PRPF6: variants seen among roughly 807,000 people sequenced by gnomAD.
PRPF6 encodes pre-mRNA processing factor 6.
PRPF6 carries 42 observed loss-of-function variants against 118.3 expected under a neutral mutation model. That is an observed-to-expected ratio of 0.35 (90% confidence interval 0.28 to 0.46). PRPF6 has a LOEUF of 0.46. PRPF6 is among the 20% of genes least tolerant of loss of function. PRPF6 has a pLI of 1.00. For missense variants in PRPF6, 662 were observed against 1,255.7 expected (o/e 0.53, Z 7.15); for synonymous variants, 481 against 485.1 (o/e 0.99, Z 0.11).
chr20:64,025,890 T>C, intron 14 of PRPF6, 49 bp from the exon 15 acceptor site: 1 of 1,613,100 alleles, frequency 6.2e-7, no homozygotes, highest in Non-Finnish European at 8.5e-7. Context: ...GATCAGGCGC[T>C]GGTCCCTGTG....
At position 64,011,513 on chromosome 20, in the gene PRPF6, A is replaced by G. The variant is rs201704766; in HGVS notation, c.1524+10A>G. 3.2e-3 allele frequency: 5,197 copies of G among 1,609,718 alleles called. 169 individuals are homozygous for G. The South Asian group carries it at 0.048, about 15-fold the overall frequency. ...TGAGCAGTGGATCCAGGTGGGCCGC[A>G]GGCGGGTGTCGTGGTGTCTGCTTTA... On this transcript the variant is annotated intron_variant, in intron 11 of 20. Transcript: ENST00000266079. The surrounding 1 kb of genome is among the most constrained non-coding windows in gnomAD (Gnocchi z 6.7).
At chr20:63,995,595 T>G in intron 6 of PRPF6, 113 bp downstream of exon 6, 5 of 1,118,172 alleles carry the variant, frequency 4.5e-6, no homozygotes, top group Non-Finnish European at 5.2e-6. Flanking sequence ...CTTCTCCTCC[T>G]CCTCCTTCTT....
intron 11 of PRPF6, among the ~76,000 whole-genome samples, chr20:64,016,239 G>A (rs73626416): frequency 2.0e-5 from 3 of 151,300 alleles, no homozygotes; most frequent in South Asian, 2.1e-4. Flanking sequence ...CTCCTGCCTC[G>A]GCCTCCCGAG....
chr20:63,998,924 T>A, intron 6 of PRPF6, 121 bp from the exon 7 acceptor site: 1 of 690,678 alleles, frequency 1.4e-6, no homozygotes, highest in African/African-American at 1.8e-5. Flanking sequence ...AAATGAAGGC[T>A]GTTTTCCTTC....
chr20:64,025,098 T>C (rs2059282696), intron 14 of PRPF6, among the ~76,000 whole-genome samples: 1 of 152,164 alleles, frequency 6.6e-6, no homozygotes, highest in Admixed American at 6.5e-5. Context: ...AACATCCTAA[T>C]AGTTTATAAC....
rs140876757 is a variant in PRPF6, at chr20:64,030,371, G to A, written c.2546+880G>A. 2.5e-3 allele frequency among the ~76,000 whole-genome samples: 377 copies of A among 152,296 alleles called. 3 individuals are homozygous for A. Among genetic ancestry groups the A allele is most frequent in the African/African-American group, 8.5e-3 (354 of 41,562 alleles). Reference sequence around the variant, plus strand: ...GTCCGGCTTCCCCTCCACCTGCCCCGCCATGGGTCATGCAGAGACAACAGC... The same window carrying A: ...GTCCGGCTTCCCCTCCACCTGCCCCACCATGGGTCATGCAGAGACAACAGC... On this transcript the variant is annotated intron_variant, in intron 19 of 20. Transcript: ENST00000266079.
chr20:64,008,066 G>A (rs1157285259), intron 9 of PRPF6, among the ~76,000 whole-genome samples: 1 of 152,130 alleles, frequency 6.6e-6, no homozygotes, highest in East Asian at 1.9e-4. Context: ...CGTGAGCTAC[G>A]GGCTGTACCT....
intron 9 of PRPF6, among the ~76,000 whole-genome samples, chr20:64,008,762 G>A (rs528370506): frequency 1.1e-4 from 17 of 152,296 alleles, no homozygotes; most frequent in South Asian, 6.2e-4. Context: ...GGGATGATGC[G>A]TTGATTCTCT....
At chr20:63,981,466 G>C in intron 1 of PRPF6, 150 bp downstream of exon 1, 1 of 751,612 alleles carries the variant, frequency 1.3e-6, no homozygotes, top group Non-Finnish European at 2.1e-6. Flanking sequence ...ACGGGCTTTG[G>C]GGTCAGGACA....
chr20:64,020,717 A>G (rs540820889), intron 12 of PRPF6, among the ~76,000 whole-genome samples: 59 of 151,492 alleles, frequency 3.9e-4, no homozygotes, highest in African/African-American at 1.4e-3. Context: ...TCCTGTTTGT[A>G]TTCACTTGTC....
chr20:63,996,822 G>A (rs2059142803), intron 6 of PRPF6, among the ~76,000 whole-genome samples: 1 of 152,070 alleles, frequency 6.6e-6, no homozygotes, highest in Admixed American at 6.6e-5. Flanking sequence ...CCAGCTGTTC[G>A]AGAGGCTGAG....
chr20:64,013,463 T>C (rs1403576216), intron 11 of PRPF6, among the ~76,000 whole-genome samples: 1 of 152,102 alleles, frequency 6.6e-6, no homozygotes, highest in East Asian at 1.9e-4. Flanking sequence ...TCTTTCTTTC[T>C]TGAGACAGGG....
intron 9 of PRPF6, among the ~76,000 whole-genome samples, chr20:64,005,262 G>A (rs539126582): frequency 2.0e-5 from 3 of 152,160 alleles, no homozygotes; most frequent in Admixed American, 1.3e-4. Context: ...CCCAAAACTT[G>A]AAGACACAGA....
intron 9 of PRPF6, among the ~76,000 whole-genome samples, chr20:64,002,616 G>C (rs148431029): frequency 1.4e-4 from 21 of 151,028 alleles, no homozygotes; most frequent in Admixed American, 5.3e-4. Flanking sequence ...GATTACAGGC[G>C]TGAGCCCCTG....
intron 9 of PRPF6, among the ~76,000 whole-genome samples, chr20:64,004,503 G>C (rs2059181245): frequency 6.6e-6 from 1 of 152,196 alleles, no homozygotes; most frequent in Admixed American, 6.5e-5. Flanking sequence ...GGTGACTTAG[G>C]ACACCTGCCA....
chr20:64,000,469 A>AC (rs2059161513), intron 8 of PRPF6, among the ~76,000 whole-genome samples: 2 of 151,606 alleles, frequency 1.3e-5, no homozygotes, highest in Non-Finnish European at 2.9e-5. Flanking sequence ...AAAAAAAAAA[A>AC]AAAACAACAA....
At chr20:63,990,649 CTTTTT>C (rs565993288) in intron 3 of PRPF6, among the ~76,000 whole-genome samples, 2 of 140,870 alleles carry the variant, frequency 1.4e-5, no homozygotes, top group Non-Finnish European at 3.1e-5. Context: ...TTTCTTTTTT[CTTTTT>C]TTTTTTTTGA....
At position 64,026,159 on chromosome 20, in the gene PRPF6, G is replaced by A; in HGVS notation, c.2028+101G>A. 6.4e-7 allele frequency: 1 copy of A among 1,557,696 alleles called. No homozygotes were observed. The highest frequency in any genetic ancestry group is 8.7e-7 in the Non-Finnish European group (1 of 1,154,448). On this transcript the variant is annotated intron_variant, in intron 15 of 20. Coordinates refer to ENST00000266079, the MANE Select transcript of PRPF6 (RefSeq NM_012469.4). The surrounding 1 kb of genome is among the most constrained non-coding windows in gnomAD (Gnocchi z 4.4). Reference sequence around the variant, plus strand: ...GGTGATGGGAGTGAGATGACGGCAGGCAAACGAGACCACAGCACACTCATC... The same window carrying A: ...GGTGATGGGAGTGAGATGACGGCAGACAAACGAGACCACAGCACACTCATC...
At chr20:64,020,018 G>A (rs1410297101) in intron 12 of PRPF6, among the ~76,000 whole-genome samples, 6 of 152,220 alleles carry the variant, frequency 3.9e-5, no homozygotes, top group Admixed American at 3.3e-4. Context: ...TGCCAGTCCA[G>A]ATCTTTGCCA....
Sources: allele counts gnomAD v4.1 joint callset (sites outside exome capture counted in the v4.1 genomes callset), GRCh38; gene constraint gnomAD v4.1.1; non-coding constraint Gnocchi (gnomAD v3.1); transcripts MANE v1.5; gene names NCBI Gene and HGNC (gene_info 2026-07-23, HGNC 2026-07-21).